TMCO4: variants seen among roughly 807,000 people sequenced by gnomAD.
The protein encoded by TMCO4 is transmembrane and coiled-coil domains 4, also known as transmembrane and coiled-coil domain-containing protein 4.
TMCO4 carries 58 observed loss-of-function variants against 64.7 expected under a neutral mutation model. The observed-to-expected ratio is 0.90, with a 90% confidence interval of 0.73 to 1.12. TMCO4 has a LOEUF of 1.12. Ranked by LOEUF, TMCO4 falls within the 50% of genes most tolerant of loss-of-function variation. The pLI, the probability that TMCO4 is intolerant of heterozygous loss-of-function variation, is 0.00. For missense variants in TMCO4, 780 were observed against 825.9 expected (o/e 0.94, Z 0.68); for synonymous variants, 325 against 346.1 (o/e 0.94, Z 0.68).
intron 12 of TMCO4, chr1:19,738,156 G>A (rs944578563): frequency 1.3e-5 from 2 of 152,294 alleles, no homozygotes; most frequent in African/African-American, 4.8e-5. Context: ...GGTTTTACCA[G>A]TCTATTCCTT....
Position 19,755,538 on chromosome 1 carries a change from C to T in TMCO4, c.515+96G>A, listed in dbSNP as rs2042207008. 5 of 1,539,748 alleles carry T rather than the reference C, an allele frequency of 3.2e-6. No homozygotes were observed. In the South Asian group the frequency reaches 3.7e-5, roughly 11 times the overall value. ...GTCCAGGGCTCCTTCCACCTCACTA[C>T]ACCATCTCTTAAAGGGAGAAGGGGA... On this transcript the variant is annotated intron_variant, in intron 7 of 15. Coordinates refer to ENST00000294543, the MANE Select transcript of TMCO4 (RefSeq NM_181719.7).
chr1:19,762,807 G>A (rs2042563222), intron 6 of TMCO4, among the ~76,000 whole-genome samples: 1 of 152,222 alleles, frequency 6.6e-6, no homozygotes, highest in Non-Finnish European at 1.5e-5. Context: ...TGAGCATGGA[G>A]GTAGGGATGG....
intron 13 of TMCO4, among the ~76,000 whole-genome samples, chr1:19,722,528 C>T (rs1254472006): frequency 2.6e-5 from 4 of 152,194 alleles, no homozygotes; most frequent in Admixed American, 1.3e-4. Flanking sequence ...GGGACTTGCA[C>T]AGGGTCATAC....
rs956617387 is a variant in TMCO4 at position 19,732,876 on chromosome 1, G to T, written c.1264+4496C>A. Among the ~76,000 whole-genome samples the T allele has an allele frequency of 6.6e-6, 1 of 152,118 alleles. No individual in the cohort carries two copies. The highest frequency in any genetic ancestry group is 2.4e-5 in the African/African-American group (1 of 41,428). On this transcript the variant is annotated intron_variant, in intron 13 of 15. Coordinates refer to ENST00000294543, the MANE Select transcript of TMCO4 (RefSeq NM_181719.7). This position sits in a 1 kb window ranked among gnomAD's most constrained non-coding sequence, Gnocchi z 4.8. ...GATTCTTGTTATTTGGAAGGCTTCG[G>T]ATCCTAGTTTCTTCTTCTTTTAAAA...
In TMCO4 at chr1:19,740,927, G is replaced by A; in HGVS notation, c.892C>T (p.Pro298Ser). 1 of 1,610,944 alleles carries A rather than the reference G, an allele frequency of 6.2e-7. No individual in the cohort carries two copies. The stretch of plus-strand genomic sequence containing the variant: ...CGGCTGTGGGCCAGGGCAGCCCACG[G>A]GGCACTGAAGGTGCCTGGGGAGATC... ...ASGKYRTFSA[P>S]WAALAHSREQ... The change falls in exon 11 of 16, where the codon CCG becomes TCG. Residue 298 changes from proline (P) to serine (S), a missense_variant. Physicochemically the swap from Pro to Ser is moderately conservative, Grantham distance 74 (BLOSUM62 -1). Coordinates refer to ENST00000294543, the MANE Select transcript of TMCO4 (RefSeq NM_181719.7).
intron 13 of TMCO4, among the ~76,000 whole-genome samples, chr1:19,730,162 C>T (rs1468016662): frequency 2.0e-5 from 3 of 152,206 alleles, no homozygotes; most frequent in Non-Finnish European, 4.4e-5. Context: ...CCATGCCTTG[C>T]TTTGGCCAAT....
chr1:19,795,274 T>A (rs1339386581), intron 2 of TMCO4, among the ~76,000 whole-genome samples: 1 of 151,840 alleles, frequency 6.6e-6, no homozygotes, highest in Admixed American at 6.6e-5. Context: ...AGTTCGAGAC[T>A]ACCTGGACAA....
At chr1:19,747,014 G>GAGC (rs2041823794) in intron 8 of TMCO4, 149 bp downstream of exon 8, 1 of 700,732 alleles carries the variant, frequency 1.4e-6, no homozygotes. Context: ...CAGTGCTGAT[G>GAGC]AGCACACCGA....
chr1:19,748,147 C>T (rs549498870), intron 7 of TMCO4, among the ~76,000 whole-genome samples: 17 of 152,340 alleles, frequency 1.1e-4, no homozygotes, highest in African/African-American at 3.6e-4. Context: ...ATAACAGTCA[C>T]TACCTCCCCA....
intron 2 of TMCO4, among the ~76,000 whole-genome samples, chr1:19,788,537 A>T (rs1278466388): frequency 6.6e-6 from 1 of 152,170 alleles, no homozygotes; most frequent in Non-Finnish European, 1.5e-5. Flanking sequence ...TATTAACAAT[A>T]AGTGTCGATT....
chr1:19,711,736 C>A (rs1557493682), intron 13 of TMCO4, among the ~76,000 whole-genome samples: 1 of 152,140 alleles, frequency 6.6e-6, no homozygotes, highest in Non-Finnish European at 1.5e-5. Context: ...CAGCTCACTG[C>A]AACCTTCACC....
intron 13 of TMCO4, among the ~76,000 whole-genome samples, chr1:19,726,126 G>T (rs1366966805): frequency 3.3e-5 from 5 of 152,244 alleles, no homozygotes; most frequent in Non-Finnish European, 7.3e-5. Flanking sequence ...AACAGACAGT[G>T]CCTGGTGATC....
intron 7 of TMCO4, among the ~76,000 whole-genome samples, chr1:19,750,700 T>A (rs1308586805): frequency 6.6e-6 from 1 of 152,130 alleles, no homozygotes; most frequent in Non-Finnish European, 1.5e-5. Flanking sequence ...CACTGACACA[T>A]CACCCTTGGG....
At position 19,743,701 on chromosome 1, in the gene TMCO4, A is replaced by G. The variant is rs2100864050; in HGVS notation, c.877+1831T>C. 2.0e-5 allele frequency among the ~76,000 whole-genome samples: 3 copies of G among 152,314 alleles called. No individual in the cohort carries two copies. The South Asian group carries it at 6.2e-4, about 32-fold the overall frequency. On this transcript the variant is annotated intron_variant, in intron 10 of 15. Transcript: ENST00000294543. The surrounding 1 kb of genome is among the most constrained non-coding windows in gnomAD (Gnocchi z 4.1). ...GCCGGCCAGACTTGCAAATTCCTTT[A>G]CCTGGGCTCTTGTTCTTGCTCCTTC... is the stretch of plus-strand genomic sequence containing the variant.
intron 6 of TMCO4, among the ~76,000 whole-genome samples, chr1:19,755,987 C>T (rs1328281941): frequency 6.6e-6 from 1 of 152,126 alleles, no homozygotes; most frequent in Non-Finnish European, 1.5e-5. Flanking sequence ...TGGCTCACTC[C>T]TGTAATCCCA....
At chr1:19,792,315 C>G (rs1198703315) in intron 2 of TMCO4, among the ~76,000 whole-genome samples, 3 of 152,194 alleles carry the variant, frequency 2.0e-5, no homozygotes, top group Non-Finnish European at 4.4e-5. Flanking sequence ...CAGCCCAGAC[C>G]TGGGATGGAC....
intron 2 of TMCO4, among the ~76,000 whole-genome samples, chr1:19,797,879 GAAGA>G (rs1256035830): frequency 8.3e-6 from 1 of 121,170 alleles, no homozygotes; most frequent in Non-Finnish European, 1.7e-5. Context: ...AAAAAAGAGA[GAAGA>G]AAGAAAGAGA....
At chr1:19,719,818 C>T (rs1211090477) in intron 13 of TMCO4, among the ~76,000 whole-genome samples, 1 of 151,998 alleles carries the variant, frequency 6.6e-6, no homozygotes. Context: ...CATGGCAAAA[C>T]CCCGTCCCTA....
intron 6 of TMCO4, among the ~76,000 whole-genome samples, chr1:19,765,144 A>C (rs1399894036): frequency 1.3e-5 from 2 of 152,188 alleles, no homozygotes; most frequent in Non-Finnish European, 2.9e-5. Flanking sequence ...CCCAGGGACC[A>C]ATACAGAGTT....
Sources: gnomAD v4.1 joint callset for allele counts (sites outside exome capture counted in the v4.1 genomes callset) on GRCh38, gnomAD v4.1.1 for gene constraint, Gnocchi (gnomAD v3.1) non-coding constraint, MANE v1.5 for transcripts, NCBI Gene and HGNC (gene_info 2026-07-23, HGNC 2026-07-21) for gene names.